NAA35: variants seen among roughly 807,000 people sequenced by gnomAD.
NAA35 encodes the protein N-alpha-acetyltransferase 35, NatC auxiliary subunit.
Under a neutral mutation model 101.7 loss-of-function variants are expected in NAA35, and 18 were observed. The ratio of observed to expected loss-of-function variants is 0.18; its 90% CI spans 0.12 to 0.26. NAA35 has a LOEUF of 0.26. Among genes scored for constraint, NAA35 ranks in the 10% least tolerant of loss-of-function variants. The probability of loss-of-function intolerance (pLI) is 1.00; values close to 1 mark genes in which losing one functional copy is unlikely to be tolerated. For missense variants in NAA35, 601 were observed against 886.8 expected (o/e 0.68, Z 4.09); for synonymous variants, 267 against 273.1 (o/e 0.98, Z 0.22).
rs748499639 is a variant in NAA35 at position 85,966,690 on chromosome 9, T to C, written c.516+4510T>C. On this transcript the variant is annotated intron_variant, in intron 6 of 22. Transcript: ENST00000361671. ...AAGGAATGCAGTAAGTTGACACTTC[T>C]GTTTTTACTAGTATACATTAGCACA... 1.3e-5 allele frequency: 16 copies of C among 1,205,232 alleles called. No homozygotes were observed. The Middle Eastern group carries it at 6.7e-4, about 51-fold the overall frequency. 74.7% of individuals were successfully genotyped at this position (1,205,232 alleles called of 1,614,324 possible). A position where few individuals can be genotyped will look rare whatever the true frequency, so the allele number is the denominator to read the frequency against.
At chr9:85,950,616 C>T (rs983580121) in intron 2 of NAA35, among the ~76,000 whole-genome samples, 19 of 152,026 alleles carry the variant, frequency 1.2e-4, no homozygotes, top group African/African-American at 4.1e-4. Context: ...AAACCAAGGC[C>T]GAGAGTGTTT....
intron 5 of NAA35, among the ~76,000 whole-genome samples, chr9:85,961,346 G>A (rs1383975279): frequency 6.6e-6 from 1 of 152,050 alleles, no homozygotes; most frequent in Admixed American, 6.6e-5. Context: ...TATAAAAGGA[G>A]AAAAATACCA....
In NAA35 at chr9:85,943,376, GA is replaced by G. The variant is rs1828607856; in HGVS notation, c.124+1095del. On this transcript the variant is annotated intron_variant, in intron 2 of 22. Coordinates refer to ENST00000361671, the MANE Select transcript of NAA35 (RefSeq NM_024635.4). ...AAGTGACAGAGGAGGACTGGTGAAG[GA>G]ATTCACTCCTGATGGCTTGTATTGT... 2.6e-5 allele frequency among the ~76,000 whole-genome samples: 4 copies of G among 152,222 alleles called. No individual in the cohort carries two copies. The South Asian group carries it at 8.3e-4, about 32-fold the overall frequency.
At chr9:86,017,631 A>T in intron 19 of NAA35, 66 bp downstream of exon 19, 1 of 1,267,992 alleles carries the variant, frequency 7.9e-7, no homozygotes, top group African/African-American at 1.5e-5. Flanking sequence ...GTTTATTTAA[A>T]CTGTTTTCTG....
chr9:85,945,322 A>G (rs1413591506), intron 2 of NAA35, among the ~76,000 whole-genome samples: 1 of 152,222 alleles, frequency 6.6e-6, no homozygotes, highest in Admixed American at 6.5e-5. Context: ...TAGATTTAGG[A>G]CTAAAGACTG....
intron 9 of NAA35, among the ~76,000 whole-genome samples, chr9:85,977,098 T>C (rs1341632376): frequency 2.0e-4 from 31 of 152,074 alleles, no homozygotes; most frequent in Admixed American, 2.0e-3. Flanking sequence ...GCAGATAACA[T>C]CAGTTTTTTG....
chr9:86,020,060 A>G (rs1832447418), intron 21 of NAA35, among the ~76,000 whole-genome samples: 1 of 152,194 alleles, frequency 6.6e-6, no homozygotes, highest in South Asian at 2.1e-4. Flanking sequence ...GCAGTTTAAT[A>G]TGCATAGTAT....
chr9:85,950,540 CT>C (rs1295338435), intron 2 of NAA35, among the ~76,000 whole-genome samples: 2 of 152,074 alleles, frequency 1.3e-5, no homozygotes, highest in African/African-American at 2.4e-5. Flanking sequence ...CACTGCGCCC[CT>C]GATTACTGAA....
intron 21 of NAA35, among the ~76,000 whole-genome samples, chr9:86,019,669 TAC>T (rs1832425310): frequency 6.6e-6 from 1 of 152,214 alleles, no homozygotes; most frequent in African/African-American, 2.4e-5. Flanking sequence ...TTTATTGAAA[TAC>T]ATTTATTTTC....
At chr9:86,013,328 A>G (rs946932761) in intron 16 of NAA35, among the ~76,000 whole-genome samples, 184 bp downstream of exon 16, 3 of 152,234 alleles carry the variant, frequency 2.0e-5, no homozygotes, top group African/African-American at 7.2e-5. Flanking sequence ...ATCCAAACTG[A>G]TAGATATCTT....
At chr9:86,004,731 T>C (rs1486410196) in intron 13 of NAA35, among the ~76,000 whole-genome samples, 2 of 152,158 alleles carry the variant, frequency 1.3e-5, no homozygotes, top group African/African-American at 4.8e-5. Context: ...AGGGGTATCA[T>C]TACAGACTCT....
chr9:85,958,027 CGCCTCCCGGGTTCAA>C (rs1450213841), intron 3 of NAA35, among the ~76,000 whole-genome samples: 4 of 151,882 alleles, frequency 2.6e-5, no homozygotes, highest in African/African-American at 9.7e-5. Flanking sequence ...CCGTAACCTC[CGCCTCCCGGGTTCAA>C]GCGATTCTCC....
intron 15 of NAA35, among the ~76,000 whole-genome samples, chr9:86,011,565 G>T (rs1028735899): frequency 4.6e-5 from 7 of 150,988 alleles, no homozygotes; most frequent in African/African-American, 1.7e-4. Context: ...CACCCTGTTG[G>T]CCAGGCTGGT....
At chr9:86,010,120 C>T (rs928948886) in intron 15 of NAA35, among the ~76,000 whole-genome samples, 189 bp downstream of exon 15, 5 of 152,128 alleles carry the variant, frequency 3.3e-5, no homozygotes, top group Middle Eastern at 3.4e-3. Context: ...TGGTGGCGCA[C>T]GCCTGTAGTG....
At chr9:85,954,031 G>A (rs1829134090) in intron 2 of NAA35, among the ~76,000 whole-genome samples, 1 of 152,094 alleles carries the variant, frequency 6.6e-6, no homozygotes. Context: ...ACTTTTCTGG[G>A]TATATGCTCA....
chr9:86,008,243 A>G (rs1248081772), intron 14 of NAA35, among the ~76,000 whole-genome samples: 4 of 152,134 alleles, frequency 2.6e-5, no homozygotes, highest in African/African-American at 9.7e-5. Context: ...TTGTATTTTT[A>G]GTAGAGATGG....
chr9:86,013,047 C>A lies in NAA35; in HGVS notation c.1292C>A (p.Pro431Gln). Residue 431 changes from proline (P) to glutamine (Q), a missense_variant and splice_region_variant, in exon 16 of 23, where the codon CCA (proline) becomes CAA (glutamine). This residue lies in a region of NAA35 where 190 missense variants were observed against 223.1 expected (regional missense o/e 0.85). Transcript: ENST00000361671. ...IDSFVTHCVRPFCSLIQIHGH... is the reference protein window; with the variant it reads ...IDSFVTHCVRQFCSLIQIHGH... The stretch of plus-strand genomic sequence containing the variant: ...TGACAAATTATATGTGTATTGCAGC[C>A]ATTCTGTAGTCTTATTCAGATCCAT... 6.5e-7 allele frequency: 1 copy of A among 1,534,566 alleles called. No individual in the cohort carries two copies.
intron 6 of NAA35, among the ~76,000 whole-genome samples, 185 bp downstream of exon 6, chr9:85,962,365 T>A (rs570924537): frequency 6.6e-6 from 1 of 151,456 alleles, no homozygotes; most frequent in Admixed American, 6.6e-5. Context: ...GTGGCATGCA[T>A]CTGTAATCCC....
chr9:86,008,450 A>G (rs1461943458), intron 14 of NAA35, among the ~76,000 whole-genome samples: 3 of 152,176 alleles, frequency 2.0e-5, no homozygotes, highest in Admixed American at 6.5e-5. Context: ...GGTATACACT[A>G]TTGGGTCATG....
Sources: allele counts gnomAD v4.1 joint callset (sites outside exome capture counted in the v4.1 genomes callset), GRCh38; gene constraint gnomAD v4.1.1; regional missense constraint gnomAD v4.1.1; transcripts MANE v1.5; gene names NCBI Gene and HGNC (gene_info 2026-07-23, HGNC 2026-07-21).